Variants in ERBB4 observed in about 807,000 individuals in gnomAD.
ERBB4 encodes the protein erb-b2 receptor tyrosine kinase 4.
Under a neutral mutation model 158.0 loss-of-function variants are expected in ERBB4, and 42 were observed. The observed-to-expected ratio is 0.27, with a 90% CI of 0.21 to 0.34. ERBB4 has a LOEUF of 0.34. Ranked by LOEUF, ERBB4 falls within the 10% of genes least tolerant of loss-of-function variation. The probability of loss-of-function intolerance (pLI) is 1.00; values close to 1 mark genes in which losing one functional copy is unlikely to be tolerated. For synonymous variants in ERBB4, 583 were observed against 558.7 expected (o/e 1.04, Z -0.61); for missense variants, 1,333 against 1,624.1 (o/e 0.82, Z 3.08).
chr2:211,412,591 T>C (rs2063285601), intron 25 of ERBB4, among the ~76,000 whole-genome samples: 1 of 152,196 alleles, frequency 6.6e-6, no homozygotes, highest in Admixed American at 6.5e-5. Flanking sequence ...TGTACTCTCA[T>C]TGCCCAACAC....
chr2:211,651,986 T>C (rs1238778617), intron 16 of ERBB4, among the ~76,000 whole-genome samples: 2 of 152,190 alleles, frequency 1.3e-5, no homozygotes, highest in South Asian at 4.1e-4. Flanking sequence ...TCTATTTTAT[T>C]ATACTGTAAG....
At chr2:211,450,157 G>C (rs1047847883) in intron 20 of ERBB4, among the ~76,000 whole-genome samples, 2 of 152,316 alleles carry the variant, frequency 1.3e-5, no homozygotes, top group South Asian at 2.1e-4. Flanking sequence ...ACTGGGATTA[G>C]AGAAATTATG....
At chr2:211,999,555 AAATT>A (rs1286792201) in intron 2 of ERBB4, among the ~76,000 whole-genome samples, 1 of 151,858 alleles carries the variant, frequency 6.6e-6, no homozygotes, top group Non-Finnish European at 1.5e-5. Flanking sequence ...ACATTATTGA[AAATT>A]AATTAACTAA....
chr2:211,387,148 G>T lies in ERBB4; in HGVS notation c.3186C>A (p.Asn1062Lys), dbSNP rs200172669. The T allele has an allele frequency of 1.1e-5, 17 of 1,610,678 alleles. No individual in the cohort carries two copies. The African/African-American group carries it at 2.0e-4, about 19-fold the overall frequency. Residue 1062 changes from asparagine (N) to lysine (K), a missense_variant and splice_region_variant, in exon 27 of 28, where the codon AAC (asparagine) becomes AAA (lysine). Transcript: ENST00000342788. ...PPPAYTPMSGNQFVYRDGGFA... is the reference protein window; with the variant it reads ...PPPAYTPMSGKQFVYRDGGFA... ...AACCTCCATCTCGGTATACAAACTG[G>T]TTCTGTTAATAAGAGAAACATATGT...
chr2:211,580,574 T>G (rs2125767970), intron 19 of ERBB4, among the ~76,000 whole-genome samples: 1 of 151,602 alleles, frequency 6.6e-6, no homozygotes, highest in South Asian at 2.1e-4. Flanking sequence ...GTACAACCAC[T>G]ATGTAAAACA....
intron 23 of ERBB4, among the ~76,000 whole-genome samples, chr2:211,423,702 C>A (rs1235099296): frequency 3.3e-5 from 5 of 151,952 alleles, no homozygotes; most frequent in African/African-American, 1.2e-4. Context: ...TGACTAAAAC[C>A]AGTAGACCTA....
chr2:211,775,937 A>G (rs1020024214), intron 4 of ERBB4, among the ~76,000 whole-genome samples: 3 of 152,192 alleles, frequency 2.0e-5, no homozygotes, highest in Admixed American at 2.0e-4. Flanking sequence ...AGATGGTGAT[A>G]TACAGACCGG....
intron 1 of ERBB4, among the ~76,000 whole-genome samples, chr2:212,416,460 CA>C (rs1261932264): frequency 6.6e-6 from 1 of 152,002 alleles, no homozygotes; most frequent in Admixed American, 6.6e-5. Context: ...TGTTCATTTT[CA>C]ATATCTTTTC....
chr2:212,023,120 A>G (rs1052035117), intron 2 of ERBB4, among the ~76,000 whole-genome samples: 2 of 152,086 alleles, frequency 1.3e-5, no homozygotes, highest in Admixed American at 1.3e-4. Flanking sequence ...AAAGTATGAG[A>G]ATCATGGGAA....
chr2:211,956,134 A>G (rs954030249), intron 2 of ERBB4, among the ~76,000 whole-genome samples: 1 of 151,928 alleles, frequency 6.6e-6, no homozygotes, highest in African/African-American at 2.4e-5. Flanking sequence ...ACATTTTAAT[A>G]ATCTTTAATA....
At chr2:212,189,092 G>GGGA (rs2125705986) in intron 1 of ERBB4, among the ~76,000 whole-genome samples, 1 of 128,376 alleles carries the variant, frequency 7.8e-6, no homozygotes, top group African/African-American at 2.8e-5. Flanking sequence ...TGGGGGGGGG[G>GGGA]GTGATTTTTG....
intron 1 of ERBB4, among the ~76,000 whole-genome samples, chr2:212,372,520 C>A (rs375035699): frequency 2.0e-5 from 3 of 151,866 alleles, no homozygotes; most frequent in Non-Finnish European, 2.9e-5. Context: ...GAGGTTGAGG[C>A]GGGCGGATCA....
chr2:211,859,841 A>G (rs55840080), intron 3 of ERBB4, among the ~76,000 whole-genome samples: 32,315 of 152,172 alleles, frequency 0.21, 3,592 homozygotes, highest in South Asian at 0.33. Flanking sequence ...ATGTCCAATA[A>G]GCAGAAATGA....
chr2:212,100,407 A>C (rs2079050222), intron 2 of ERBB4, among the ~76,000 whole-genome samples: 1 of 152,202 alleles, frequency 6.6e-6, no homozygotes, highest in South Asian at 2.1e-4. Context: ...TGATACAAGA[A>C]ATAAATAGCA....
At chr2:212,083,134 T>C (rs1393689352) in intron 2 of ERBB4, among the ~76,000 whole-genome samples, 2 of 151,992 alleles carry the variant, frequency 1.3e-5, no homozygotes, top group Non-Finnish European at 2.9e-5. Context: ...AGTATGGATA[T>C]ACGGAGATCA....
At position 211,623,924 on chromosome 2, in the gene ERBB4, T is replaced by C; in HGVS notation, c.2200A>G (p.Lys734Glu). The change falls in exon 18 of 28, where the codon AAA becomes GAA. Residue 734 changes from lysine to glutamate, a missense_variant and splice_region_variant. Physicochemically the swap from Lys to Glu is moderately conservative, Grantham distance 56. Transcript: ENST00000342788. Reference sequence around the variant, plus strand: ...GATATGCGTTGTTTTTTACTTACTTTATAAACCGTTCCAAAAGCACCTGAG... The same window carrying C: ...GATATGCGTTGTTTTTTACTTACTTCATAAACCGTTCCAAAAGCACCTGAG... ...LGSGAFGTVY[K>E]GIWVPEGETV... The C allele has an allele frequency of 6.2e-7, 1 of 1,614,086 alleles. No individual in the cohort carries two copies. Among genetic ancestry groups the C allele is most frequent in the East Asian group, 2.2e-5 (1 of 44,874 alleles).
At chr2:212,248,800 A>T (rs2084407317) in intron 1 of ERBB4, among the ~76,000 whole-genome samples, 1 of 152,160 alleles carries the variant, frequency 6.6e-6, no homozygotes, top group South Asian at 2.1e-4. Flanking sequence ...TTAGGAAAAA[A>T]AAAACAGGTT....
rs71057412 is a variant in ERBB4, at chr2:212,446,591, G to GTATATA, written c.82+91852_82+91857dup. 4.7e-3 allele frequency among the ~76,000 whole-genome samples: 130 copies of GTATATA among 27,456 alleles called. 10 individuals carry two copies. Among genetic ancestry groups the GTATATA allele is most frequent in the Non-Finnish European group, 5.8e-3 (97 of 16,826 alleles). 18.0% of individuals were successfully genotyped at this position (27,456 alleles called of 152,430 possible). A position where few individuals can be genotyped will look rare whatever the true frequency, so the allele number is the denominator to read the frequency against. ...TTAATAAACTCCCATATATATATAT[G>GTATATA]TATATATATATATATATATATATAT... is the stretch of plus-strand genomic sequence containing the variant. On this transcript the variant is annotated intron_variant, in intron 1 of 27. Coordinates refer to ENST00000342788, the MANE Select transcript of ERBB4 (RefSeq NM_005235.3).
chr2:212,388,351 A>G (rs909334820), intron 1 of ERBB4, among the ~76,000 whole-genome samples: 1 of 152,160 alleles, frequency 6.6e-6, no homozygotes, highest in African/African-American at 2.4e-5. Context: ...TCAGAATAGG[A>G]CAAAGCATAT....
Sources: allele counts gnomAD v4.1 joint callset (sites outside exome capture counted in the v4.1 genomes callset), GRCh38; gene constraint gnomAD v4.1.1; transcripts MANE v1.5; gene names NCBI Gene and HGNC (gene_info 2026-07-23, HGNC 2026-07-21).